BSN: variants seen among roughly 807,000 people sequenced by gnomAD.
BSN encodes bassoon presynaptic cytomatrix protein, also known as protein bassoon.
BSN carries 57 observed loss-of-function variants against 264.8 expected under a neutral mutation model. The ratio of observed to expected loss-of-function variants is 0.22; its 90% CI spans 0.17 to 0.27. The LOEUF (loss-of-function observed/expected upper bound fraction) is 0.27, where lower values mean the gene tolerates loss of function less well. Ranked by LOEUF, BSN falls within the 10% of genes least tolerant of loss-of-function variation. The pLI, the probability that BSN is intolerant of heterozygous loss-of-function variation, is 1.00. For missense variants in BSN, 4,615 were observed against 5,232.5 expected (o/e 0.88, Z 3.64); for synonymous variants, 2,059 against 2,137.3 (o/e 0.96, Z 1.01).
At chr3:49,611,137 A>G (rs2052204127) in intron 1 of BSN, among the ~76,000 whole-genome samples, 1 of 152,178 alleles carries the variant, frequency 6.6e-6, no homozygotes, top group Non-Finnish European at 1.5e-5. Context: ...GACTATGGGA[A>G]GTGGCTTGCT....
chr3:49,566,199 G>T (rs1053069643), intron 1 of BSN, among the ~76,000 whole-genome samples: 2 of 152,196 alleles, frequency 1.3e-5, no homozygotes, highest in African/African-American at 4.8e-5. Context: ...GATATGTTCT[G>T]TAAGTTTCTA....
At chr3:49,599,817 T>C (rs1360590757) in intron 1 of BSN, among the ~76,000 whole-genome samples, 1 of 152,190 alleles carries the variant, frequency 6.6e-6, no homozygotes, top group Non-Finnish European at 1.5e-5. Flanking sequence ...CAAATGTTCT[T>C]CCTTATCAAT....
At position 49,585,483 on chromosome 3, in the gene BSN, G is replaced by C. The variant is rs1331413945; in HGVS notation, c.224+30657G>C. ...TTCGTGTGCCTGCCACACCAGGCAGGCTCTTGCGGCTCCCAACTAGGCGGC... is the reference window on the plus strand; with the variant it reads ...TTCGTGTGCCTGCCACACCAGGCAGCCTCTTGCGGCTCCCAACTAGGCGGC... On this transcript the variant is annotated intron_variant, in intron 1 of 11. Transcript: ENST00000296452. The surrounding 1 kb of genome is among the most constrained non-coding windows in gnomAD (Gnocchi z 4.7). Among the ~76,000 whole-genome samples, 1 of 152,196 alleles carries C rather than the reference G, an allele frequency of 6.6e-6. No homozygotes were observed. The highest frequency in any genetic ancestry group is 1.5e-5 in the Non-Finnish European group (1 of 68,038).
At position 49,655,896 on chromosome 3, in the gene BSN, C is replaced by T. The variant is rs1180601293; in HGVS notation, c.6340C>T (p.Arg2114Trp). 6.8e-6 allele frequency: 11 copies of T among 1,612,246 alleles called. No individual in the cohort carries two copies. The highest frequency in any genetic ancestry group is 2.7e-5 in the African/African-American group (2 of 74,920). ...ALNSMDQYGG[R>W]HGSGGGGPDL... The stretch of plus-strand genomic sequence containing the variant: ...CAACTCCATGGACCAGTATGGTGGG[C>T]GGCATGGCAGTGGTGGTGGTGGCCC... The change falls in exon 5 of 12, where the codon CGG becomes TGG. Residue 2114 changes from arginine to tryptophan, a missense_variant. Around this residue, in one of 3 missense-constraint regions of BSN, gnomAD observed 3,415 missense variants for 3,866.4 expected, o/e 0.88. Coordinates refer to ENST00000296452, the MANE Select transcript of BSN (RefSeq NM_003458.4).
intron 3 of BSN, among the ~76,000 whole-genome samples, chr3:49,645,134 C>G (rs2052495466): frequency 6.6e-6 from 1 of 152,204 alleles, no homozygotes; most frequent in South Asian, 2.1e-4. Flanking sequence ...TCCATAGGGT[C>G]TGATGGGTCC....
At chr3:49,604,961 A>G (rs1439492633) in intron 1 of BSN, among the ~76,000 whole-genome samples, 2 of 151,714 alleles carry the variant, frequency 1.3e-5, no homozygotes, top group African/African-American at 2.4e-5. Flanking sequence ...GCCTCTCCCA[A>G]TATATTAATA....
intron 1 of BSN, among the ~76,000 whole-genome samples, chr3:49,592,443 C>T (rs1011864872): frequency 2.0e-5 from 3 of 150,302 alleles, no homozygotes; most frequent in African/African-American, 7.3e-5. Flanking sequence ...TTGAATTTCA[C>T]ATGCAGCTGT....
intron 1 of BSN, among the ~76,000 whole-genome samples, chr3:49,565,615 C>T (rs904038262): frequency 2.0e-5 from 3 of 151,852 alleles, no homozygotes; most frequent in East Asian, 3.9e-4. Flanking sequence ...CTACCGCGCC[C>T]GGCCAGGATT....
chr3:49,633,970 G>A (rs1575443208), intron 2 of BSN, among the ~76,000 whole-genome samples: 1 of 152,046 alleles, frequency 6.6e-6, no homozygotes, highest in East Asian at 1.9e-4. Context: ...ACTTTGGGAG[G>A]CCGAGGCAGG....
In BSN at chr3:49,585,891, G is replaced by A. The variant is rs2051933467; in HGVS notation, c.224+31065G>A. Among the ~76,000 whole-genome samples, 1 of 152,072 alleles carries A rather than the reference G, an allele frequency of 6.6e-6. No homozygotes were observed. Among genetic ancestry groups the A allele is most frequent in the East Asian group, 1.9e-4 (1 of 5,202 alleles). On this transcript the variant is annotated intron_variant, in intron 1 of 11. Coordinates refer to ENST00000296452, the MANE Select transcript of BSN (RefSeq NM_003458.4). The surrounding 1 kb of genome is among the most constrained non-coding windows in gnomAD (Gnocchi z 4.7). Reference sequence around the variant, plus strand: ...CTTTTTATATGCCTGTTTGCCATTCGTGTGTCTTCTTTTGAGAAATGTCTA... The same window carrying A: ...CTTTTTATATGCCTGTTTGCCATTCATGTGTCTTCTTTTGAGAAATGTCTA...
chr3:49,555,457 G>C (rs1256101276), intron 1 of BSN, among the ~76,000 whole-genome samples: 1 of 152,160 alleles, frequency 6.6e-6, no homozygotes, highest in African/African-American at 2.4e-5. Context: ...GAAACATTTT[G>C]GGGTGAAGCA....
chr3:49,637,094 T>A (rs2052425619), intron 2 of BSN, among the ~76,000 whole-genome samples: 2 of 152,244 alleles, frequency 1.3e-5, no homozygotes, highest in Non-Finnish European at 2.9e-5. Context: ...TTTCAACTTG[T>A]ACCAAAATGG....
At chr3:49,664,592 A>G (rs2052697392) in intron 9 of BSN, 38 bp downstream of exon 9, 1 of 1,562,828 alleles carries the variant, frequency 6.4e-7, no homozygotes, top group Non-Finnish European at 8.7e-7. Flanking sequence ...GTGGGTGGCT[A>G]CTCTGGTACA....
chr3:49,560,772 C>G (rs1255183807), intron 1 of BSN, among the ~76,000 whole-genome samples: 1 of 152,172 alleles, frequency 6.6e-6, no homozygotes, highest in Non-Finnish European at 1.5e-5. Context: ...GGACACTGGC[C>G]TGTGGGCTCC....
chr3:49,616,710 A>C (rs1158623813), intron 1 of BSN, among the ~76,000 whole-genome samples: 2 of 151,952 alleles, frequency 1.3e-5, no homozygotes, highest in Non-Finnish European at 2.9e-5. Flanking sequence ...CCTCCTTCCC[A>C]CTGTGCACCA....
intron 1 of BSN, among the ~76,000 whole-genome samples, chr3:49,616,836 G>T (rs1229882388): frequency 1.3e-5 from 2 of 152,186 alleles, no homozygotes; most frequent in African/African-American, 2.4e-5. Flanking sequence ...ACAGAGGGGA[G>T]CCCAGCCTCT....
chr3:49,579,726 C>A (rs988875691), intron 1 of BSN, among the ~76,000 whole-genome samples: 29 of 150,402 alleles, frequency 1.9e-4, no homozygotes, highest in African/African-American at 7.0e-4. Context: ...TGGCTAGATG[C>A]GCTTTAAAAA....
At chr3:49,577,200 C>T (rs1436416567) in intron 1 of BSN, among the ~76,000 whole-genome samples, 2 of 152,196 alleles carry the variant, frequency 1.3e-5, no homozygotes, top group East Asian at 3.9e-4. Context: ...TTGCTTGTTT[C>T]CCTATGGCTT....
chr3:49,649,210 G>A (rs1200187245), intron 3 of BSN, among the ~76,000 whole-genome samples: 1 of 152,232 alleles, frequency 6.6e-6, no homozygotes, highest in East Asian at 1.9e-4. Flanking sequence ...TGAGGGTACT[G>A]AGGTTGTCAG....
Sources: gnomAD v4.1 joint callset for allele counts (sites outside exome capture counted in the v4.1 genomes callset) on GRCh38, gnomAD v4.1.1 for gene constraint, gnomAD v4.1.1 regional missense constraint, Gnocchi (gnomAD v3.1) non-coding constraint, MANE v1.5 for transcripts, NCBI Gene and HGNC (gene_info 2026-07-23, HGNC 2026-07-21) for gene names.